Variants in DSCAM observed in about 807,000 individuals in gnomAD.
The protein encoded by DSCAM is cell adhesion molecule DSCAM.
In DSCAM, 47 loss-of-function variants were observed where a neutral mutation model predicts 217.7. That is an observed-to-expected ratio of 0.22 (90% CI 0.17 to 0.28). The LOEUF is 0.28. Ranked by LOEUF, DSCAM falls within the 10% of genes least tolerant of loss-of-function variation. The pLI is 1.00. For missense variants in DSCAM, 2,080 were observed against 2,618.3 expected (o/e 0.79, Z 4.49); for synonymous variants, 1,056 against 1,015.3 (o/e 1.04, Z -0.76).
At chr21:40,437,484 G>T (rs1454703111) in intron 3 of DSCAM, among the ~76,000 whole-genome samples, 1 of 152,156 alleles carries the variant, frequency 6.6e-6, no homozygotes, top group Non-Finnish European at 1.5e-5. Flanking sequence ...CCAGCTTTAT[G>T]ATTATCTCTA....
intron 11 of DSCAM, among the ~76,000 whole-genome samples, chr21:40,198,065 C>G (rs1267990862): frequency 6.6e-6 from 1 of 152,084 alleles, no homozygotes; most frequent in Admixed American, 6.6e-5. Context: ...CTCATAAAGT[C>G]CTTGAAATTT....
chr21:40,566,940 A>G (rs2076769356), intron 3 of DSCAM, among the ~76,000 whole-genome samples: 1 of 152,040 alleles, frequency 6.6e-6, no homozygotes, highest in Non-Finnish European at 1.5e-5. Flanking sequence ...AGATGACCCA[A>G]GTCCGTAAGC....
chr21:40,367,680 G>T (rs150682010), intron 4 of DSCAM, among the ~76,000 whole-genome samples: 1 of 152,096 alleles, frequency 6.6e-6, no homozygotes, highest in Non-Finnish European at 1.5e-5. Context: ...TTTGTGGCAT[G>T]TGACTCTGTG....
intron 18 of DSCAM, among the ~76,000 whole-genome samples, chr21:40,140,259 T>A (rs1020068561): frequency 6.6e-6 from 1 of 152,176 alleles, no homozygotes; most frequent in East Asian, 1.9e-4. Context: ...GACTTCTACA[T>A]CGCACATTTA....
At chr21:40,044,322 G>A (rs745853988) in intron 30 of DSCAM, 47 bp from the exon 31 acceptor site, 2 of 1,574,822 alleles carry the variant, frequency 1.3e-6, no homozygotes, top group South Asian at 1.2e-5. Context: ...CAGGAGTGTG[G>A]TCAGCTGAGA....
At chr21:40,183,118 G>GTGGACGGGGGGGGGCCACCAGGAAAAC (rs879662569) in intron 14 of DSCAM, among the ~76,000 whole-genome samples, 1 of 68,476 alleles carries the variant, frequency 1.5e-5, no homozygotes, top group Non-Finnish European at 2.9e-5. Context: ...CAGAGAAACC[G>GTGGACGGGGGGGGGCCACCAGGAAAAC]TGGACAGGAG....
chr21:40,260,376 C>T (rs1460378477), intron 11 of DSCAM, among the ~76,000 whole-genome samples: 1 of 152,154 alleles, frequency 6.6e-6, no homozygotes, highest in East Asian at 1.9e-4. Context: ...CTGTCTCTGC[C>T]TTCCTGCCTC....
intron 1 of DSCAM, among the ~76,000 whole-genome samples, chr21:40,830,835 G>A (rs2092006651): frequency 6.6e-6 from 1 of 152,172 alleles, no homozygotes; most frequent in South Asian, 2.1e-4. Context: ...CCATAAACAG[G>A]TGATTCTGTC....
At chr21:40,456,552 A>G (rs2075764976) in intron 3 of DSCAM, among the ~76,000 whole-genome samples, 1 of 152,190 alleles carries the variant, frequency 6.6e-6, no homozygotes, top group African/African-American at 2.4e-5. Flanking sequence ...TGAGAAAATG[A>G]GGAAAGACCA....
At chr21:40,828,071 T>C (rs1156360726) in intron 1 of DSCAM, among the ~76,000 whole-genome samples, 1 of 152,048 alleles carries the variant, frequency 6.6e-6, no homozygotes, top group African/African-American at 2.4e-5. Flanking sequence ...AATGTTGATA[T>C]GCTGAGCTGG....
chr21:40,604,211 G>C (rs1182486994), intron 3 of DSCAM, among the ~76,000 whole-genome samples: 1 of 151,740 alleles, frequency 6.6e-6, no homozygotes, highest in Non-Finnish European at 1.5e-5. Context: ...TTTATATCTA[G>C]TCTATTAATG....
chr21:40,517,434 C>CACACACACAG (rs2076311707), intron 3 of DSCAM, among the ~76,000 whole-genome samples: 1 of 139,278 alleles, frequency 7.2e-6, no homozygotes, highest in African/African-American at 2.7e-5. Context: ...CACACACACA[C>CACACACACAG]ACAGACACGC....
chr21:40,375,007 G>A (rs1003435003), intron 3 of DSCAM, among the ~76,000 whole-genome samples: 1 of 151,998 alleles, frequency 6.6e-6, no homozygotes, highest in Non-Finnish European at 1.5e-5. Flanking sequence ...AGAAACTCAG[G>A]GACTTTCCCC....
intron 3 of DSCAM, among the ~76,000 whole-genome samples, chr21:40,686,962 T>C (rs1051556567): frequency 1.3e-5 from 2 of 152,236 alleles, no homozygotes; most frequent in Admixed American, 1.3e-4. Flanking sequence ...TCTCTTCCTA[T>C]TTCTCAGTTA....
intron 8 of DSCAM, among the ~76,000 whole-genome samples, chr21:40,315,273 G>A (rs138096005): frequency 3.3e-5 from 5 of 151,876 alleles, no homozygotes; most frequent in South Asian, 4.2e-4. Context: ...GCATGGTGGC[G>A]TGCACCTATA....
At chr21:40,485,436 G>C (rs984281232) in intron 3 of DSCAM, among the ~76,000 whole-genome samples, 1 of 151,622 alleles carries the variant, frequency 6.6e-6, no homozygotes, top group African/African-American at 2.4e-5. Flanking sequence ...TAGAGACGGG[G>C]TTTCACCGTG....
At chr21:40,809,026 A>C (rs2091813810) in intron 1 of DSCAM, among the ~76,000 whole-genome samples, 1 of 152,094 alleles carries the variant, frequency 6.6e-6, no homozygotes, top group African/African-American at 2.4e-5. Flanking sequence ...ATTGTTCTTG[A>C]ACAATCTTTG....
rs1303391868 is a variant in DSCAM at position 40,011,103 on chromosome 21, CTT to C, written c.*1929_*1930del. On this transcript the variant is annotated 3_prime_UTR_variant, in exon 33 of 33. Transcript: ENST00000400454. ...AAGTTTTAGGTTGATGAAAGATAGA[CTT>C]TTAATTTTTTCCCCCAGAAAGTAAC... 1 of 151,986 alleles carries C rather than the reference CTT, an allele frequency of 6.6e-6. No homozygotes were observed. The highest frequency in any genetic ancestry group is 2.1e-4 in the South Asian group (1 of 4,822). 9.4% of individuals were successfully genotyped at this position (151,986 alleles called of 1,614,324 possible).
chr21:40,442,517 GT>G (rs35821647), intron 3 of DSCAM, among the ~76,000 whole-genome samples: 28 of 41,898 alleles, frequency 6.7e-4, no homozygotes, highest in East Asian at 1.8e-3. Context: ...TTTTTTTTTT[GT>G]TTTTTTTTTT....
Sources: allele counts gnomAD v4.1 joint callset (sites outside exome capture counted in the v4.1 genomes callset), GRCh38; gene constraint gnomAD v4.1.1; transcripts MANE v1.5; gene names NCBI Gene and HGNC (gene_info 2026-07-23, HGNC 2026-07-21).